The following TCP11 variants were observed in gnomAD, a reference collection of about 807,000 sequenced individuals.
TCP11 encodes T-complex protein 11 homolog.
A neutral mutation model predicts 45.0 loss-of-function variants in TCP11; 34 were observed. That is an observed-to-expected ratio of 0.76 (90% CI 0.57 to 1.01). The LOEUF (loss-of-function observed/expected upper bound fraction) is 1.01, where lower values mean the gene tolerates loss of function less well. TCP11 is among the 50% of genes least tolerant of loss of function. The probability of loss-of-function intolerance (pLI) is 0.00; values close to 1 mark genes in which losing one functional copy is unlikely to be tolerated. For synonymous variants in TCP11, 227 were observed against 227.0 expected, an observed-to-expected ratio of 1.00 and a Z score of 0.00; for missense variants, 523 against 598.1, an observed-to-expected ratio of 0.87 and a Z score of 1.31.
chr6:35,134,279 T>C (rs1780798764), intron 3 of TCP11, among the ~76,000 whole-genome samples: 1 of 137,632 alleles, frequency 7.3e-6, no homozygotes, highest in African/African-American at 2.9e-5. Context: ...TAAGCTTTTT[T>C]TTTTTTTTTT....
chr6:35,140,688 CG>C, intron 2 of TCP11, 58 bp downstream of exon 2: 3 of 985,664 alleles, frequency 3.0e-6, no homozygotes, highest in Non-Finnish European at 4.7e-6. Flanking sequence ...GGGGGGCCTG[CG>C]GACCCCCCAC....
intron 4 of TCP11, among the ~76,000 whole-genome samples, chr6:35,126,886 A>G (rs1779889522): frequency 6.6e-6 from 1 of 151,928 alleles, no homozygotes; most frequent in African/African-American, 2.4e-5. Flanking sequence ...TCAAATTCCT[A>G]GACTCAAGCA....
At position 35,122,356 on chromosome 6, in the gene TCP11, C is replaced by T; in HGVS notation, c.358-19G>A. The T allele has an allele frequency of 1.2e-6, 2 of 1,612,454 alleles. No homozygotes were observed. Among genetic ancestry groups the T allele is most frequent in the Non-Finnish European group, 1.7e-6 (2 of 1,178,610 alleles). On this transcript the variant is annotated intron_variant, in intron 4 of 9. Transcript: ENST00000311875. Reference sequence around the variant, plus strand: ...GCAAGATCTGCCCAGGAAAGAAAGTCAAAGGAGTTGATCTGTTTAGATCCC... The same window carrying T: ...GCAAGATCTGCCCAGGAAAGAAAGTTAAAGGAGTTGATCTGTTTAGATCCC...
chr6:35,136,038 ATC>A, intron 3 of TCP11, 67 bp downstream of exon 3: 1 of 1,172,196 alleles, frequency 8.5e-7, no homozygotes, highest in Non-Finnish European at 1.2e-6. Flanking sequence ...TTCAAGTCTG[ATC>A]TGAAGCCATC....
In TCP11 at chr6:35,122,310, G is replaced by T. The variant is rs899153308; in HGVS notation, c.385C>A (p.Gln129Lys). The change falls in exon 5 of 10, where the codon CAG becomes AAG. Residue 129 changes from glutamine to lysine, a missense_variant. Physicochemically the swap from Gln to Lys is moderately conservative, Grantham distance 53. Transcript: ENST00000311875. ...EILLSLLLPR[Q>K]NRLRIEIEEA... is the part of the protein sequence containing the mutation. ...TCAATCTCAATTCTCAGGCGGTTCT[G>T]GCGTGGTAATAGCAGTGATAGCAAG... The T allele has an allele frequency of 1.2e-6, 2 of 1,614,126 alleles. No homozygotes were observed. The highest frequency in any genetic ancestry group is 1.7e-6 in the Non-Finnish European group (2 of 1,180,026).
chr6:35,127,131 T>C (rs1056668509), intron 4 of TCP11, among the ~76,000 whole-genome samples: 1 of 152,158 alleles, frequency 6.6e-6, no homozygotes, highest in Admixed American at 6.5e-5. Flanking sequence ...AATACTTGCA[T>C]TGGTTCCAAT....
At chr6:35,128,958 G>T (rs1014634561) in intron 4 of TCP11, 104 bp downstream of exon 4, 3 of 1,435,680 alleles carry the variant, frequency 2.1e-6, no homozygotes, top group Admixed American at 2.2e-5. Flanking sequence ...CTTAGTCTCT[G>T]ACTGATTCAT....
intron 9 of TCP11, 121 bp from the exon 10 acceptor site, chr6:35,118,622 C>T: frequency 1.2e-6 from 1 of 825,342 alleles, no homozygotes; most frequent in Non-Finnish European, 1.9e-6. Context: ...TGCCCCCCTA[C>T]CTAGAGATAA....
intron 2 of TCP11, chr6:35,137,810 T>G (rs1327931108): frequency 2.2e-5 from 10 of 455,814 alleles, no homozygotes; most frequent in Non-Finnish European, 3.5e-5. Context: ...GTGGAGGAGA[T>G]GTAGATGAAC....
chr6:35,140,253 G>A lies in TCP11; in HGVS notation c.124+494C>T, dbSNP rs1488651139. 19 of 1,479,658 alleles carry A rather than the reference G, an allele frequency of 1.3e-5. No individual in the cohort carries two copies. The Admixed American group carries it at 3.8e-4, about 30-fold the overall frequency. 91.7% of individuals were successfully genotyped at this position (1,479,658 alleles called of 1,614,324 possible). ...GGAGATTAAGAGAAATACAGCATGA[G>A]TCCCAGTGAGACTGGACCTACCACG... On this transcript the variant is annotated intron_variant, in intron 2 of 9. Transcript: ENST00000311875.
intron 3 of TCP11, among the ~76,000 whole-genome samples, chr6:35,129,493 T>C (rs922019030): frequency 2.0e-5 from 3 of 152,256 alleles, no homozygotes; most frequent in South Asian, 2.1e-4. Context: ...CTAGCCTAGA[T>C]AACTTGATTT....
At position 35,120,126 on chromosome 6, in the gene TCP11, C is replaced by A. The variant is rs1005857480; in HGVS notation, c.1115+33G>T. On this transcript the variant is annotated intron_variant, in intron 8 of 9. Coordinates refer to ENST00000311875, the MANE Select transcript of TCP11 (RefSeq NM_001370687.1). The surrounding 1 kb of genome is among the most constrained non-coding windows in gnomAD (Gnocchi z 4.9). ...CCTATGTTCTAAATACCACATATCA[C>A]CTTCTACTCTAAAAAGTAACTATGC... 7.5e-6 allele frequency: 12 copies of A among 1,603,580 alleles called. No individual in the cohort carries two copies. In the African/African-American group the frequency reaches 1.3e-4, roughly 18 times the overall value.
At chr6:35,135,818 T>C (rs1781015329) in intron 3 of TCP11, among the ~76,000 whole-genome samples, 1 of 152,190 alleles carries the variant, frequency 6.6e-6, no homozygotes, top group Non-Finnish European at 1.5e-5. Flanking sequence ...CAGCAGCAGA[T>C]AGTACTACAG....
intron 9 of TCP11, 137 bp downstream of exon 9, chr6:35,119,091 A>T (rs1778943598): frequency 8.7e-7 from 1 of 1,151,378 alleles, no homozygotes; most frequent in South Asian, 1.5e-5. Flanking sequence ...TATGATTTCA[A>T]CCCAGCATTT....
At chr6:35,133,317 C>T (rs536134106) in intron 3 of TCP11, among the ~76,000 whole-genome samples, 5 of 152,070 alleles carry the variant, frequency 3.3e-5, no homozygotes, top group Admixed American at 6.5e-5. Flanking sequence ...GCTAGGACTA[C>T]AGGCGTGCAC....
intron 1 of TCP11, 64 bp from the exon 2 acceptor site, chr6:35,140,948 GTCCCTGGGGGCGGC>G: frequency 1.4e-6 from 2 of 1,468,182 alleles, no homozygotes; most frequent in South Asian, 1.5e-5. Flanking sequence ...TGCCAAGGGG[GTCCCTGGGGGCGGC>G]GGGAAGGGGG....
rs568312260 is a variant in TCP11, at chr6:35,120,662, G to T, written c.716-16C>A. 6.2e-7 allele frequency: 1 copy of T among 1,608,790 alleles called. No individual in the cohort carries two copies. The highest frequency in any genetic ancestry group is 2.2e-5 in the East Asian group (1 of 44,864). On this transcript the variant is annotated splice_polypyrimidine_tract_variant and intron_variant, in intron 6 of 9. Coordinates refer to ENST00000311875, the MANE Select transcript of TCP11 (RefSeq NM_001370687.1). The surrounding 1 kb of genome is among the most constrained non-coding windows in gnomAD (Gnocchi z 4.9). ...TTAAGGAGACCTATGACAGGTAAGG[G>T]AGTGTGTAAGCATCTTTAGCATCTT... is the stretch of plus-strand genomic sequence containing the variant.
At chr6:35,134,704 T>C (rs530417598) in intron 3 of TCP11, among the ~76,000 whole-genome samples, 1 of 152,356 alleles carries the variant, frequency 6.6e-6, no homozygotes, top group Admixed American at 6.5e-5. Flanking sequence ...TATTGTGTTA[T>C]TTTTTATTTT....
At chr6:35,121,205 A>AG (rs2127641915) in intron 5 of TCP11, among the ~76,000 whole-genome samples, 160 bp from the exon 6 acceptor site, 1 of 152,284 alleles carries the variant, frequency 6.6e-6, no homozygotes, top group South Asian at 2.1e-4. Flanking sequence ...CCCAATACCC[A>AG]GGGTGAGTCA....
Sources: gnomAD v4.1 joint callset for allele counts (sites outside exome capture counted in the v4.1 genomes callset) on GRCh38, gnomAD v4.1.1 for gene constraint, Gnocchi (gnomAD v3.1) non-coding constraint, MANE v1.5 for transcripts, NCBI Gene and HGNC (gene_info 2026-07-23, HGNC 2026-07-21) for gene names.